Variants in C2orf80 observed in about 807,000 individuals in gnomAD.
C2orf80 encodes uncharacterized protein C2orf80.
C2orf80 carries 28 observed loss-of-function variants against 30.2 expected under a neutral mutation model. The ratio of observed to expected loss-of-function variants is 0.93; its 90% confidence interval spans 0.69 to 1.27. The LOEUF is 1.27. C2orf80 is among the 50% of genes most tolerant of loss of function. The pLI, the probability that C2orf80 is intolerant of heterozygous loss-of-function variation, is 0.00. For synonymous variants in C2orf80, 80 were observed against 76.4 expected (o/e 1.05, Z -0.24); for missense variants, 220 against 231.0 (o/e 0.95, Z 0.31).
At chr2:208,168,449 A>G (rs7562540) in intron 8 of C2orf80, 205,852 of 239,932 alleles carry the variant, frequency 0.86, 88,639 homozygotes, top group Admixed American at 0.89. Context: ...CAAGGCGGGC[A>G]GATCGCGAGG....
intron 1 of C2orf80, among the ~76,000 whole-genome samples, chr2:208,189,144 T>C (rs572099136): frequency 3.3e-5 from 5 of 152,368 alleles, no homozygotes; most frequent in African/African-American, 1.2e-4. Flanking sequence ...GAAAAACATT[T>C]GTTGCTAGAC....
At chr2:208,188,167 C>G (rs982591067) in intron 1 of C2orf80, among the ~76,000 whole-genome samples, 1 of 148,852 alleles carries the variant, frequency 6.7e-6, no homozygotes, top group South Asian at 2.1e-4. Context: ...TCTGAGGAAC[C>G]CTAATACTCA....
chr2:208,187,304 A>G (rs1305312543), intron 1 of C2orf80, among the ~76,000 whole-genome samples: 1 of 152,188 alleles, frequency 6.6e-6, no homozygotes, highest in Non-Finnish European at 1.5e-5. Flanking sequence ...CCTTGCAATA[A>G]TCTAGCAAGT....
intron 6 of C2orf80, among the ~76,000 whole-genome samples, chr2:208,180,449 C>CA (rs59005854): frequency 0.026 from 3,304 of 128,886 alleles, 107 homozygotes; most frequent in African/African-American, 0.077. Context: ...GACTCTGTCT[C>CA]AAAAAAAAAA....
At chr2:208,176,465 G>A (rs555688918) in intron 6 of C2orf80, among the ~76,000 whole-genome samples, 10 of 152,240 alleles carry the variant, frequency 6.6e-5, no homozygotes, top group East Asian at 5.8e-4. Flanking sequence ...CGTGAGCCAC[G>A]GCACCTGGCC....
chr2:208,182,329 G>T (rs1304077295), intron 4 of C2orf80, among the ~76,000 whole-genome samples: 1 of 152,192 alleles, frequency 6.6e-6, no homozygotes, highest in African/African-American at 2.4e-5. Flanking sequence ...CTTAGGAAAA[G>T]GTTACAGTCT....
In C2orf80 at chr2:208,172,086, A is replaced by G; in HGVS notation, c.367-11T>C. On this transcript the variant is annotated splice_polypyrimidine_tract_variant and intron_variant, in intron 6 of 8. Transcript: ENST00000341287. Reference sequence around the variant, plus strand: ...TGAAACTCGGGGAACCTGAAAGGAAAACAGTCCTACTTTTAAAATCTGTCC... The same window carrying G: ...TGAAACTCGGGGAACCTGAAAGGAAGACAGTCCTACTTTTAAAATCTGTCC... 6.3e-7 allele frequency: 1 copy of G among 1,595,660 alleles called. No individual in the cohort carries two copies. The highest frequency in any genetic ancestry group is 8.6e-7 in the Non-Finnish European group (1 of 1,163,296).
chr2:208,184,172 G>A (rs754627086), intron 3 of C2orf80, among the ~76,000 whole-genome samples: 1 of 148,420 alleles, frequency 6.7e-6, no homozygotes, highest in Non-Finnish European at 1.5e-5. Context: ...CCTAGGCCGC[G>A]GGGGCGCCCC....
In C2orf80 at chr2:208,181,233, A is replaced by G; in HGVS notation, c.279T>C (p.Tyr93=). The change falls in exon 5 of 9, where the codon TAT becomes TAC. Residue 93 remains tyrosine (Y), a synonymous_variant. Transcript: ENST00000341287. ...TTTTCCTTACCATTAAGATTCCAGC[A>G]TAAGATGATAAAATCATAGCTTCTC... ...REREAMILSS[Y]AGILMNSIPI... 1 of 1,605,924 alleles carries G rather than the reference A, an allele frequency of 6.2e-7. No homozygotes were observed. The highest frequency in any genetic ancestry group is 1.3e-5 in the African/African-American group (1 of 74,852).
At chr2:208,189,632 G>A (rs1696817939) in intron 1 of C2orf80, among the ~76,000 whole-genome samples, 1 of 152,190 alleles carries the variant, frequency 6.6e-6, no homozygotes, top group Non-Finnish European at 1.5e-5. Context: ...AATTCAGCTA[G>A]ATTTGAATTC....
intron 6 of C2orf80, among the ~76,000 whole-genome samples, chr2:208,177,084 G>A (rs1393355263): frequency 2.2e-5 from 3 of 139,370 alleles, no homozygotes; most frequent in African/African-American, 8.3e-5. Flanking sequence ...TATAGATAAT[G>A]TATACATATA....
Position 208,176,011 on chromosome 2 carries a change from T to C in C2orf80, c.367-3936A>G, listed in dbSNP as rs1696281014. ...GCTCTTAGACTCTTGTATTGGTAATTCAAATTACGCCCTCTGTGATCACTG... is the reference window on the plus strand; with the variant it reads ...GCTCTTAGACTCTTGTATTGGTAATCCAAATTACGCCCTCTGTGATCACTG... On this transcript the variant is annotated intron_variant, in intron 6 of 8. Coordinates refer to ENST00000341287, the MANE Select transcript of C2orf80 (RefSeq NM_001099334.3). Among the ~76,000 whole-genome samples the C allele has an allele frequency of 2.6e-5, 4 of 152,196 alleles. No homozygotes were observed. The South Asian group carries it at 8.3e-4, about 32-fold the overall frequency.
At chr2:208,186,763 G>A (rs748445246) in intron 2 of C2orf80, among the ~76,000 whole-genome samples, 183 bp downstream of exon 2, 18 of 152,234 alleles carry the variant, frequency 1.2e-4, no homozygotes, top group Non-Finnish European at 1.8e-4. Flanking sequence ...ATCCTGCCTC[G>A]CACCACAGGT....
At chr2:208,187,746 G>A (rs1392221823) in intron 1 of C2orf80, among the ~76,000 whole-genome samples, 4 of 151,004 alleles carry the variant, frequency 2.6e-5, no homozygotes, top group Non-Finnish European at 5.9e-5. Flanking sequence ...GGGCCTCTAT[G>A]ATCAAATAGT....
intron 3 of C2orf80, among the ~76,000 whole-genome samples, chr2:208,184,545 G>A (rs888093709): frequency 6.6e-6 from 1 of 152,126 alleles, no homozygotes; most frequent in Admixed American, 6.5e-5. Context: ...TCTGGGCTTC[G>A]AAATAAATAA....
At chr2:208,167,867 T>C (rs1034343731) in intron 8 of C2orf80, among the ~76,000 whole-genome samples, 2 of 130,192 alleles carry the variant, frequency 1.5e-5, no homozygotes, top group African/African-American at 2.9e-5. Context: ...TGAGCCATCG[T>C]GCCTGGCTGT....
At chr2:208,168,084 C>G (rs1695960533) in intron 8 of C2orf80, among the ~76,000 whole-genome samples, 2 of 152,128 alleles carry the variant, frequency 1.3e-5, no homozygotes, top group South Asian at 4.2e-4. Flanking sequence ...TCTTCAAATA[C>G]CAAGCTGTGA....
At chr2:208,176,409 C>T (rs1696295683) in intron 6 of C2orf80, among the ~76,000 whole-genome samples, 1 of 152,206 alleles carries the variant, frequency 6.6e-6, no homozygotes, top group Non-Finnish European at 1.5e-5. Context: ...CTCCTGACCT[C>T]AAGTGATCCG....
chr2:208,168,859 A>G (rs373077808), intron 8 of C2orf80, among the ~76,000 whole-genome samples: 3 of 150,488 alleles, frequency 2.0e-5, no homozygotes, highest in Non-Finnish European at 4.4e-5. Context: ...GCAAGCATCA[A>G]TCAGCCTATA....
Sources: gnomAD v4.1 joint callset for allele counts (sites outside exome capture counted in the v4.1 genomes callset) on GRCh38, gnomAD v4.1.1 for gene constraint, MANE v1.5 for transcripts, NCBI Gene and HGNC (gene_info 2026-07-23, HGNC 2026-07-21) for gene names.